LPAR1: variants seen among roughly 807,000 people sequenced by gnomAD.
The protein encoded by LPAR1 is LPA receptor 1.
In LPAR1, 5 loss-of-function variants were observed where a neutral mutation model predicts 23.8. That is an observed-to-expected ratio of 0.21 (90% CI 0.11 to 0.44). The LOEUF is 0.44. Among genes scored for constraint, LPAR1 ranks in the 20% least tolerant of loss-of-function variants. The pLI, the probability that LPAR1 is intolerant of heterozygous loss-of-function variation, is 0.99. For synonymous variants in LPAR1, 160 were observed against 164.7 expected, an observed-to-expected ratio of 0.97 and a Z score of 0.22; for missense variants, 311 against 482.8, an observed-to-expected ratio of 0.64 and a Z score of 3.33.
chr9:110,900,540 C>T lies in LPAR1; in HGVS notation c.794-24818G>A, dbSNP rs536890597. Reference sequence around the variant, plus strand: ...TTCTGTGCCGCAAGTACTTTCCTACCTGAGAACATTTCATAGCATTTCTAG... The same window carrying T: ...TTCTGTGCCGCAAGTACTTTCCTACTTGAGAACATTTCATAGCATTTCTAG... On this transcript the variant is annotated intron_variant, in intron 5 of 5. Coordinates refer to ENST00000683809, the MANE Select transcript of LPAR1 (RefSeq NM_001351411.2). 9.9e-4 allele frequency among the ~76,000 whole-genome samples: 151 copies of T among 152,260 alleles called. 1 individual carries two copies. The highest frequency in any genetic ancestry group is 3.3e-3 in the African/African-American group (139 of 41,562).
At chr9:110,994,599 T>A (rs2096959483) in intron 2 of LPAR1, among the ~76,000 whole-genome samples, 1 of 152,182 alleles carries the variant, frequency 6.6e-6, no homozygotes. Context: ...TTCTTCACAC[T>A]TTTTTACTGT....
intron 5 of LPAR1, among the ~76,000 whole-genome samples, chr9:110,880,480 C>A (rs537542595): frequency 3.2e-4 from 48 of 152,210 alleles, no homozygotes; most frequent in African/African-American, 1.1e-3. Context: ...AATGCAAGAA[C>A]CAAAGTTAAA....
intron 5 of LPAR1, among the ~76,000 whole-genome samples, chr9:110,934,770 G>C (rs1414055543): frequency 2.6e-5 from 4 of 152,002 alleles, no homozygotes; most frequent in Admixed American, 2.0e-4. Flanking sequence ...TTGTCAAAGA[G>C]TAGATTCCAG....
intron 2 of LPAR1, among the ~76,000 whole-genome samples, chr9:110,975,881 A>G (rs80327747): frequency 1.3e-5 from 2 of 152,242 alleles, no homozygotes; most frequent in South Asian, 2.1e-4. Context: ...CTATTCACAC[A>G]TTACAAGAAC....
At chr9:110,916,109 C>T (rs1240402128) in intron 5 of LPAR1, among the ~76,000 whole-genome samples, 7 of 152,186 alleles carry the variant, frequency 4.6e-5, no homozygotes, top group Non-Finnish European at 1.5e-5. Context: ...TGTATACACA[C>T]ATGTAGCATG....
At position 110,873,497 on chromosome 9, in the gene LPAR1, C is replaced by T. The variant is rs528761723; in HGVS notation, c.*1924G>A. 6.6e-6 allele frequency: 1 copy of T among 152,446 alleles called. No individual in the cohort carries two copies. Among genetic ancestry groups the T allele is most frequent in the South Asian group, 2.1e-4 (1 of 4,818 alleles). 9.4% of individuals were successfully genotyped at this position (152,446 alleles called of 1,614,324 possible). The stretch of plus-strand genomic sequence containing the variant: ...GTCTGCCCTCTGCTCAAACACTAAC[C>T]GTGCACTGACATCCTCCTTCCTAGA... On this transcript the variant is annotated 3_prime_UTR_variant, in exon 6 of 6. Transcript: ENST00000683809.
intron 4 of LPAR1, among the ~76,000 whole-genome samples, chr9:110,954,776 T>C (rs2095683915): frequency 6.6e-6 from 1 of 152,086 alleles, no homozygotes; most frequent in Non-Finnish European, 1.5e-5. Context: ...TTCATAAATG[T>C]AGAATAAATA....
chr9:110,969,802 T>A (rs527444872), intron 4 of LPAR1, among the ~76,000 whole-genome samples: 1 of 152,212 alleles, frequency 6.6e-6, no homozygotes, highest in Non-Finnish European at 1.5e-5. Flanking sequence ...TACTATTGGA[T>A]ATTCACAAAA....
At chr9:111,029,098 C>A (rs1366171018) in intron 2 of LPAR1, among the ~76,000 whole-genome samples, 2 of 152,144 alleles carry the variant, frequency 1.3e-5, no homozygotes, top group Non-Finnish European at 2.9e-5. Flanking sequence ...GAAAAATAAC[C>A]TAAAGAATTG....
intron 2 of LPAR1, among the ~76,000 whole-genome samples, chr9:110,982,897 C>CACACAT (rs1554721324): frequency 2.0e-5 from 3 of 150,554 alleles, no homozygotes; most frequent in African/African-American, 4.9e-5. Context: ...CACACACACA[C>CACACAT]GGCCAAACAT....
chr9:110,965,077 G>T (rs1418060597), intron 4 of LPAR1, among the ~76,000 whole-genome samples: 2 of 151,800 alleles, frequency 1.3e-5, no homozygotes, highest in Admixed American at 1.3e-4. Flanking sequence ...CACCATATTG[G>T]CCAGGCTGGT....
intron 5 of LPAR1, among the ~76,000 whole-genome samples, chr9:110,917,402 G>A (rs755618449): frequency 2.6e-5 from 4 of 152,044 alleles, no homozygotes; most frequent in African/African-American, 4.8e-5. Context: ...AGGGCAATAC[G>A]TTTTTAATAA....
intron 5 of LPAR1, among the ~76,000 whole-genome samples, chr9:110,887,959 A>T (rs1448120251): frequency 6.6e-6 from 1 of 152,242 alleles, no homozygotes; most frequent in Admixed American, 6.5e-5. Context: ...TTAAATAAGC[A>T]TAAATAGAGA....
chr9:111,034,921 A>G (rs997685629), intron 2 of LPAR1, among the ~76,000 whole-genome samples: 2 of 152,150 alleles, frequency 1.3e-5, no homozygotes, highest in Non-Finnish European at 2.9e-5. Flanking sequence ...CTTTTAAAAG[A>G]TATGTTATTC....
At chr9:110,974,164 A>C (rs1564214568) in intron 2 of LPAR1, among the ~76,000 whole-genome samples, 1 of 151,906 alleles carries the variant, frequency 6.6e-6, no homozygotes, top group East Asian at 1.9e-4. Flanking sequence ...GTCTCAAAAA[A>C]AAAAAGTAAG....
At chr9:110,908,445 AAATT>A (rs1371054273) in intron 5 of LPAR1, among the ~76,000 whole-genome samples, 11 of 151,954 alleles carry the variant, frequency 7.2e-5, no homozygotes, top group Non-Finnish European at 1.6e-4. Flanking sequence ...TTAAAACAGA[AAATT>A]AATACTGAAA....
At chr9:110,903,298 C>A (rs1197078966) in intron 5 of LPAR1, 1 of 152,100 alleles carries the variant, frequency 6.6e-6, no homozygotes, top group African/African-American at 2.4e-5. Flanking sequence ...AATAGAAAAT[C>A]TCAGCCAAGA....
chr9:110,985,658 G>A (rs1258355605), intron 2 of LPAR1, among the ~76,000 whole-genome samples: 1 of 152,108 alleles, frequency 6.6e-6, no homozygotes, highest in Non-Finnish European at 1.5e-5. Context: ...CAGCTGTATA[G>A]TTTTCACTTT....
intron 2 of LPAR1, among the ~76,000 whole-genome samples, chr9:111,026,507 A>C (rs762771818): frequency 2.0e-5 from 3 of 152,312 alleles, no homozygotes; most frequent in African/African-American, 7.2e-5. Flanking sequence ...TCCTGTATGA[A>C]TATCCTTTAT....
Sources: gnomAD v4.1 joint callset for allele counts (sites outside exome capture counted in the v4.1 genomes callset) on GRCh38, gnomAD v4.1.1 for gene constraint, MANE v1.5 for transcripts, NCBI Gene and HGNC (gene_info 2026-07-23, HGNC 2026-07-21) for gene names.